The following SGCZ variants were observed in gnomAD, a reference collection of about 807,000 sequenced individuals.
SGCZ encodes sarcoglycan zeta.
Under a neutral mutation model 41.3 loss-of-function variants are expected in SGCZ, and 40 were observed. The observed-to-expected ratio is 0.97, with a 90% CI of 0.75 to 1.26. The LOEUF (loss-of-function observed/expected upper bound fraction) is 1.26, where lower values mean the gene tolerates loss of function less well. SGCZ is among the 50% of genes most tolerant of loss of function. The pLI is 0.00. For missense variants in SGCZ, 552 were observed against 369.8 expected (o/e 1.49, Z -4.04); for synonymous variants, 206 against 137.5 (o/e 1.50, Z -3.49).
chr8:14,585,023 T>C (rs558710966), intron 1 of SGCZ, among the ~76,000 whole-genome samples: 2 of 152,240 alleles, frequency 1.3e-5, no homozygotes, highest in Admixed American at 6.5e-5. Flanking sequence ...AGAAAAAATC[T>C]AACTCATTCA....
Position 15,114,913 on chromosome 8 carries a change from A to G in SGCZ, c.39+122672T>C, listed in dbSNP as rs59837424. The stretch of plus-strand genomic sequence containing the variant: ...CTCAATAAACCTCTGAAAAGAGAAA[A>G]TTTTTCATTCAAAATCATTGTTAAA... On this transcript the variant is annotated intron_variant, in intron 1 of 7. Coordinates refer to ENST00000382080, the MANE Select transcript of SGCZ (RefSeq NM_139167.4). Among the ~76,000 whole-genome samples the G allele has an allele frequency of 1.8e-3, 273 of 152,166 alleles. 3 individuals are homozygous for G. In the East Asian group the frequency reaches 0.046, roughly 26 times the overall value.
At chr8:15,056,154 C>T (rs1357040004) in intron 1 of SGCZ, among the ~76,000 whole-genome samples, 1 of 152,314 alleles carries the variant, frequency 6.6e-6, no homozygotes, top group African/African-American at 2.4e-5. Context: ...CTCCCAGGCT[C>T]AGATCAAGAA....
chr8:14,480,905 GA>G (rs550591265), intron 2 of SGCZ, among the ~76,000 whole-genome samples: 98 of 151,690 alleles, frequency 6.5e-4, no homozygotes, highest in African/African-American at 2.3e-3. Flanking sequence ...TTAAAAGTTT[GA>G]AAAAAGAATA....
chr8:14,884,722 G>C (rs1424888798), intron 1 of SGCZ, among the ~76,000 whole-genome samples: 1 of 151,964 alleles, frequency 6.6e-6, no homozygotes, highest in Non-Finnish European at 1.5e-5. Context: ...TTCACAATAA[G>C]TCATCTATTT....
At chr8:14,811,026 T>C (rs1326879190) in intron 1 of SGCZ, among the ~76,000 whole-genome samples, 1 of 152,018 alleles carries the variant, frequency 6.6e-6, no homozygotes, top group Non-Finnish European at 1.5e-5. Flanking sequence ...TCCCCCAAAT[T>C]TCTAGATTAA....
chr8:14,846,703 C>CAAAAAAAA lies in SGCZ; in HGVS notation c.40-291785_40-291778dup, dbSNP rs56796907. 4.1e-4 allele frequency among the ~76,000 whole-genome samples: 8 copies of CAAAAAAAA among 19,362 alleles called. 1 individual carries two copies. Among genetic ancestry groups the CAAAAAAAA allele is most frequent in the South Asian group, 2.5e-3 (1 of 406 alleles). The allele number at this position is 19,362 out of a possible 152,430, so 12.7% of individuals were successfully genotyped here. A position where few individuals can be genotyped will look rare whatever the true frequency, so the allele number is the denominator to read the frequency against. On this transcript the variant is annotated intron_variant, in intron 1 of 7. Transcript: ENST00000382080. ...ATTTGTAGCTAAAACCCTTTAAATC[C>CAAAAAAAA]AAAAAAAAAAAAAAAAAAAAAAAAA... is the stretch of plus-strand genomic sequence containing the variant.
chr8:15,061,873 C>T (rs2073223150), intron 1 of SGCZ, among the ~76,000 whole-genome samples: 1 of 152,142 alleles, frequency 6.6e-6, no homozygotes, highest in Non-Finnish European at 1.5e-5. Flanking sequence ...CAAGTTAAAG[C>T]CGTAACAATG....
At chr8:14,854,021 T>TTTTA (rs1394714691) in intron 1 of SGCZ, among the ~76,000 whole-genome samples, 1 of 107,670 alleles carries the variant, frequency 9.3e-6, no homozygotes, top group East Asian at 2.9e-4. Context: ...TGTGATTATA[T>TTTTA]TATATATATA....
intron 1 of SGCZ, among the ~76,000 whole-genome samples, chr8:15,025,261 A>C (rs543898996): frequency 6.6e-6 from 1 of 152,158 alleles, no homozygotes; most frequent in South Asian, 2.1e-4. Flanking sequence ...CCTGCTACAA[A>C]TCTCTCTCCA....
intron 2 of SGCZ, among the ~76,000 whole-genome samples, chr8:14,480,613 T>C (rs1801509503): frequency 6.6e-6 from 1 of 152,158 alleles, no homozygotes; most frequent in African/African-American, 2.4e-5. Context: ...ACTCCTTCAG[T>C]AACAGAGCTC....
intron 4 of SGCZ, among the ~76,000 whole-genome samples, chr8:14,205,933 T>C (rs1000059682): frequency 1.3e-5 from 2 of 152,096 alleles, no homozygotes; most frequent in Non-Finnish European, 2.9e-5. Context: ...CTATTTTACA[T>C]AGAAATAATT....
At chr8:14,168,364 C>G (rs1804271232) in intron 4 of SGCZ, among the ~76,000 whole-genome samples, 1 of 152,170 alleles carries the variant, frequency 6.6e-6, no homozygotes, top group South Asian at 2.1e-4. Context: ...GTTTGGTTGT[C>G]TCCCCACCCA....
intron 3 of SGCZ, among the ~76,000 whole-genome samples, chr8:14,290,342 T>C (rs529039858): frequency 6.6e-6 from 1 of 151,738 alleles, no homozygotes; most frequent in Non-Finnish European, 1.5e-5. Context: ...ACACATGAGG[T>C]TAGAAAAACT....
At chr8:14,827,102 C>A (rs1802354810) in intron 1 of SGCZ, among the ~76,000 whole-genome samples, 1 of 151,430 alleles carries the variant, frequency 6.6e-6, no homozygotes, top group Non-Finnish European at 1.5e-5. Context: ...TTAGACATAT[C>A]TTTCTTAAGA....
intron 2 of SGCZ, among the ~76,000 whole-genome samples, chr8:14,551,481 T>TATATATATA (rs1803821090): frequency 1.2e-3 from 6 of 4,984 alleles, no homozygotes; most frequent in South Asian, 0.012. Flanking sequence ...TATTATATAT[T>TATATATATA]ATATATATTA....
At chr8:14,250,149 C>T (rs1370207744) in intron 3 of SGCZ, among the ~76,000 whole-genome samples, 1 of 152,196 alleles carries the variant, frequency 6.6e-6, no homozygotes, top group Non-Finnish European at 1.5e-5. Context: ...ATGACTCTAA[C>T]AGCCCAGCTG....
intron 1 of SGCZ, among the ~76,000 whole-genome samples, chr8:14,910,843 A>T (rs1477230955): frequency 6.6e-6 from 1 of 152,086 alleles, no homozygotes. Flanking sequence ...CTTATTAAAA[A>T]CCAGATGGCT....
chr8:14,957,580 T>A (rs531207347), intron 1 of SGCZ, among the ~76,000 whole-genome samples: 7 of 152,186 alleles, frequency 4.6e-5, no homozygotes, highest in Admixed American at 3.9e-4. Context: ...ACTAGCTTAC[T>A]TGTCATGTTT....
intron 2 of SGCZ, among the ~76,000 whole-genome samples, chr8:14,514,011 G>C (rs1249642891): frequency 6.6e-6 from 1 of 152,046 alleles, no homozygotes; most frequent in African/African-American, 2.4e-5. Context: ...GGGGTTTACA[G>C]CTTAAATATT....
Sources: gnomAD v4.1 joint callset for allele counts (sites outside exome capture counted in the v4.1 genomes callset) on GRCh38, gnomAD v4.1.1 for gene constraint, MANE v1.5 for transcripts, NCBI Gene and HGNC (gene_info 2026-07-23, HGNC 2026-07-21) for gene names.